The following CALN1 variants were observed in gnomAD, a reference collection of about 807,000 sequenced individuals.
CALN1 encodes the protein calcium-binding protein 8.
CALN1 carries 17 observed loss-of-function variants against 30.6 expected under a neutral mutation model. The observed-to-expected ratio is 0.56, with a 90% CI of 0.38 to 0.83. The LOEUF (loss-of-function observed/expected upper bound fraction) is 0.83, where lower values mean the gene tolerates loss of function less well. CALN1 is among the 40% of genes least tolerant of loss of function. The pLI, the probability that CALN1 is intolerant of heterozygous loss-of-function variation, is 0.00. For missense variants in CALN1, 291 were observed against 354.9 expected (o/e 0.82, Z 1.45); for synonymous variants, 156 against 131.4 (o/e 1.19, Z -1.28).
At chr7:72,381,003 G>A (rs865945896) in intron 2 of CALN1, among the ~76,000 whole-genome samples, 2 of 152,100 alleles carry the variant, frequency 1.3e-5, no homozygotes, top group Non-Finnish European at 2.9e-5. Flanking sequence ...AGAGAGGAAT[G>A]AAACATCCAG....
intron 5 of CALN1, among the ~76,000 whole-genome samples, chr7:71,953,454 G>A (rs1404284807): frequency 1.3e-5 from 2 of 152,206 alleles, no homozygotes; most frequent in East Asian, 3.9e-4. Flanking sequence ...CTGTCTCATT[G>A]GCAGGAGAAA....
intron 3 of CALN1, among the ~76,000 whole-genome samples, chr7:72,133,110 C>T (rs1259051794): frequency 2.0e-5 from 3 of 152,170 alleles, no homozygotes; most frequent in African/African-American, 4.8e-5. Flanking sequence ...TTCCATGACA[C>T]CAGACCCCGG....
chr7:72,335,791 G>A (rs937420219), intron 2 of CALN1, among the ~76,000 whole-genome samples: 13 of 152,208 alleles, frequency 8.5e-5, no homozygotes, highest in African/African-American at 3.1e-4. Context: ...CGTGGCCCAA[G>A]GCTAAGACGC....
chr7:72,019,404 T>A (rs1365642431), intron 5 of CALN1, among the ~76,000 whole-genome samples: 1 of 152,158 alleles, frequency 6.6e-6, no homozygotes, highest in Non-Finnish European at 1.5e-5. Context: ...CGGGAGGCTG[T>A]TCTCTCCCAC....
intron 5 of CALN1, among the ~76,000 whole-genome samples, chr7:71,865,228 T>C (rs1562853270): frequency 1.3e-5 from 2 of 152,140 alleles, no homozygotes; most frequent in Non-Finnish European, 2.9e-5. Flanking sequence ...TTCTCATGGT[T>C]TAACATTACC....
rs1274691960 is a variant in CALN1, at chr7:72,336,954, G to T, written c.120-58144C>A. 9 of 984,984 alleles carry T rather than the reference G, an allele frequency of 9.1e-6. No individual in the cohort carries two copies. In the African/African-American group the frequency reaches 1.6e-4, roughly 17 times the overall value. The allele number at this position is 984,984 out of a possible 1,614,324, so 61.0% of individuals were successfully genotyped here. A position where few individuals can be genotyped will look rare whatever the true frequency, so the allele number is the denominator to read the frequency against. On this transcript the variant is annotated intron_variant, in intron 2 of 6. Coordinates refer to ENST00000395275, the MANE Select transcript of CALN1 (RefSeq NM_031468.4). ...CGGGACCTGCACGAGCCCCCTCGTC[G>T]ACTCGGAGCGCGATCTGGGCGCGTG...
chr7:72,333,259 G>A (rs1801793245), intron 2 of CALN1, among the ~76,000 whole-genome samples: 1 of 152,154 alleles, frequency 6.6e-6, no homozygotes. Flanking sequence ...CTAACACATG[G>A]TCTGGCCTCC....
chr7:72,365,143 A>G (rs1465483023), intron 2 of CALN1, among the ~76,000 whole-genome samples: 3 of 152,296 alleles, frequency 2.0e-5, no homozygotes, highest in Admixed American at 6.5e-5. Context: ...AGTCTCTACT[A>G]AAAATACAAA....
rs112618425 is a variant in CALN1 at position 72,203,184 on chromosome 7, C to G, written c.244+75502G>C. Among the ~76,000 whole-genome samples the G allele has an allele frequency of 7.1e-3, 1,085 of 151,890 alleles. 7 individuals are homozygous for G. The highest frequency in any genetic ancestry group is 0.023 in the African/African-American group (944 of 41,406). On this transcript the variant is annotated intron_variant, in intron 3 of 6. Coordinates refer to ENST00000395275, the MANE Select transcript of CALN1 (RefSeq NM_031468.4). ...GGGAACACCACACACCAGGGCCTGTCGGGGGGTGAGGGCAAGGGGAGGGAG... is the reference window on the plus strand; with the variant it reads ...GGGAACACCACACACCAGGGCCTGTGGGGGGGTGAGGGCAAGGGGAGGGAG...
At chr7:72,133,191 A>T (rs1383842098) in intron 3 of CALN1, among the ~76,000 whole-genome samples, 1 of 152,192 alleles carries the variant, frequency 6.6e-6, no homozygotes, top group Non-Finnish European at 1.5e-5. Flanking sequence ...AATGACTAAA[A>T]ATAATGCTTA....
At chr7:71,986,447 A>G (rs969616691) in intron 5 of CALN1, among the ~76,000 whole-genome samples, 31 of 152,362 alleles carry the variant, frequency 2.0e-4, no homozygotes, top group African/African-American at 7.5e-4. Flanking sequence ...ATAAAATTAT[A>G]CAAGATATTC....
chr7:72,345,827 C>T (rs1471562656), intron 2 of CALN1, among the ~76,000 whole-genome samples: 1 of 152,154 alleles, frequency 6.6e-6, no homozygotes, highest in Non-Finnish European at 1.5e-5. Context: ...ACCCTAAACG[C>T]CTGCCGCATG....
At chr7:71,837,442 C>A (rs1789689508) in intron 5 of CALN1, among the ~76,000 whole-genome samples, 1 of 151,906 alleles carries the variant, frequency 6.6e-6, no homozygotes, top group Admixed American at 6.6e-5. Flanking sequence ...GGAAGAAAAC[C>A]CTTCTGGGAC....
intron 3 of CALN1, among the ~76,000 whole-genome samples, chr7:72,146,469 G>T (rs1332429881): frequency 6.6e-6 from 1 of 152,096 alleles, no homozygotes; most frequent in East Asian, 1.9e-4. Flanking sequence ...AATAAAAGAG[G>T]ATACAAATAA....
chr7:71,873,389 T>A (rs1388932088), intron 5 of CALN1, among the ~76,000 whole-genome samples: 3 of 152,016 alleles, frequency 2.0e-5, no homozygotes, highest in Non-Finnish European at 4.4e-5. Flanking sequence ...GAAAATAATA[T>A]CAGAAATAAT....
chr7:72,176,585 T>C (rs1391765428), intron 3 of CALN1, among the ~76,000 whole-genome samples: 3 of 152,122 alleles, frequency 2.0e-5, no homozygotes, highest in Non-Finnish European at 4.4e-5. Context: ...CTTCCCTCCA[T>C]GACTGGAAGC....
At chr7:71,885,166 T>C (rs527739643) in intron 5 of CALN1, among the ~76,000 whole-genome samples, 1 of 152,336 alleles carries the variant, frequency 6.6e-6, no homozygotes, top group African/African-American at 2.4e-5. Flanking sequence ...TTTTTCTTTT[T>C]TTTGAGACGG....
chr7:71,834,667 C>A (rs987490671), intron 5 of CALN1, among the ~76,000 whole-genome samples: 1 of 152,156 alleles, frequency 6.6e-6, no homozygotes, highest in African/African-American at 2.4e-5. Flanking sequence ...AAGCCCTATG[C>A]AATTTGGAGA....
chr7:72,215,780 G>A (rs1377948517), intron 3 of CALN1, among the ~76,000 whole-genome samples: 3 of 152,078 alleles, frequency 2.0e-5, no homozygotes, highest in South Asian at 2.1e-4. Context: ...CCTGCTGCAC[G>A]AGGCCTTTGG....
Sources: allele counts gnomAD v4.1 joint callset (sites outside exome capture counted in the v4.1 genomes callset), GRCh38; gene constraint gnomAD v4.1.1; transcripts MANE v1.5; gene names NCBI Gene and HGNC (gene_info 2026-07-23, HGNC 2026-07-21).